ANKS1B: variants seen among roughly 807,000 people sequenced by gnomAD.
The protein encoded by ANKS1B is ankyrin repeat and sterile alpha motif domain-containing protein 1B.
ANKS1B carries 36 observed loss-of-function variants against 148.3 expected under a neutral mutation model. The ratio of observed to expected loss-of-function variants is 0.24; its 90% CI spans 0.19 to 0.32. The LOEUF (loss-of-function observed/expected upper bound fraction) is 0.32. Among genes scored for constraint, ANKS1B ranks in the 10% least tolerant of loss-of-function variants. The probability of loss-of-function intolerance (pLI) is 1.00; values close to 1 mark genes in which losing one functional copy is unlikely to be tolerated. For missense variants in ANKS1B, 1,157 were observed against 1,542.6 expected, an observed-to-expected ratio of 0.75 and a Z score of 4.19; for synonymous variants, 542 against 560.8, an observed-to-expected ratio of 0.97 and a Z score of 0.47.
At chr12:99,139,460 C>CTTTCTTTCTTTCTTT (rs1207702710) in intron 15 of ANKS1B, among the ~76,000 whole-genome samples, 1 of 90,164 alleles carries the variant, frequency 1.1e-5, no homozygotes, top group African/African-American at 4.7e-5. Flanking sequence ...TTCTTTCTTT[C>CTTTCTTTCTTTCTTT]AAGATAGGAG....
At chr12:99,561,725 C>A (rs925587405) in intron 9 of ANKS1B, among the ~76,000 whole-genome samples, 3 of 152,252 alleles carry the variant, frequency 2.0e-5, no homozygotes, top group Admixed American at 2.0e-4. Flanking sequence ...ACTATTTCTA[C>A]CACATCTTCA....
At chr12:99,908,814 A>G (rs2093890605) in intron 1 of ANKS1B, among the ~76,000 whole-genome samples, 1 of 152,162 alleles carries the variant, frequency 6.6e-6, no homozygotes, top group African/African-American at 2.4e-5. Flanking sequence ...CAGTCAAACA[A>G]ATTAACATAT....
intron 12 of ANKS1B, among the ~76,000 whole-genome samples, chr12:99,348,736 TAAAC>T: frequency 6.6e-6 from 1 of 151,932 alleles, no homozygotes; most frequent in Non-Finnish European, 1.5e-5. Context: ...CATTCACAAA[TAAAC>T]AAAAGGTGAA....
At chr12:99,662,395 G>A (rs1368890398) in intron 8 of ANKS1B, among the ~76,000 whole-genome samples, 2 of 152,160 alleles carry the variant, frequency 1.3e-5, no homozygotes, top group African/African-American at 2.4e-5. Context: ...CATAAAAGCT[G>A]CATGATTGCA....
At position 99,960,504 on chromosome 12, in the gene ANKS1B, A is replaced by C. The variant is rs113006402; in HGVS notation, c.134+23600T>G. On this transcript the variant is annotated intron_variant, in intron 1 of 26. Transcript: ENST00000683438. ...ACGGGGTTTACCAGCCAAAGCTGAC[A>C]CAGCTGAGTTGAGAAGGGAAAGCAG... Among the ~76,000 whole-genome samples the C allele has an allele frequency of 3.3e-4, 50 of 152,294 alleles. 1 individual carries two copies. The highest frequency in any genetic ancestry group is 1.1e-3 in the African/African-American group (47 of 41,554).
intron 1 of ANKS1B, among the ~76,000 whole-genome samples, chr12:99,911,888 T>C (rs925585251): frequency 1.2e-4 from 19 of 152,154 alleles, no homozygotes; most frequent in Non-Finnish European, 2.1e-4. Flanking sequence ...CACCTAAAAA[T>C]ATTAACAATA....
At chr12:99,885,702 G>A (rs113034813) in intron 1 of ANKS1B, among the ~76,000 whole-genome samples, 9,547 of 151,950 alleles carry the variant, frequency 0.063, 333 homozygotes, top group Middle Eastern at 0.15. Context: ...CCTGCCACCC[G>A]AGCAGTGTCC....
At chr12:98,757,481 C>G (rs1016134679) in intron 25 of ANKS1B, among the ~76,000 whole-genome samples, 10 of 152,216 alleles carry the variant, frequency 6.6e-5, no homozygotes, top group African/African-American at 2.4e-4. Context: ...ATTCAGACAA[C>G]AGGAAGATGA....
intron 11 of ANKS1B, among the ~76,000 whole-genome samples, chr12:99,441,520 A>T (rs2095550204): frequency 6.6e-6 from 1 of 151,956 alleles, no homozygotes; most frequent in Non-Finnish European, 1.5e-5. Flanking sequence ...CCAGGGTGGA[A>T]GAAAGAGTAG....
At chr12:98,758,941 A>ATTT (rs35016362) in intron 25 of ANKS1B, among the ~76,000 whole-genome samples, 14 of 135,888 alleles carry the variant, frequency 1.0e-4, no homozygotes, top group African/African-American at 2.7e-4. Context: ...CGCCTGGCTA[A>ATTT]TTTTTTTTTT....
At chr12:98,819,494 A>G (rs1369629565) in intron 19 of ANKS1B, among the ~76,000 whole-genome samples, 1 of 152,246 alleles carries the variant, frequency 6.6e-6, no homozygotes, top group Non-Finnish European at 1.5e-5. Context: ...GTTTCAGAAG[A>G]TATCATGAAC....
At position 99,440,034 on chromosome 12, in the gene ANKS1B, C is replaced by T. The variant is rs546841269; in HGVS notation, c.1575+3639G>A. Among the ~76,000 whole-genome samples, 8 of 151,798 alleles carry T rather than the reference C, an allele frequency of 5.3e-5. No individual in the cohort carries two copies. In the South Asian group the frequency reaches 1.7e-3, roughly 32 times the overall value. The stretch of plus-strand genomic sequence containing the variant: ...TGAAAGAAACCCAAACAGTGATACG[C>T]ACACAGAAAACATACTCACCATAGG... On this transcript the variant is annotated intron_variant, in intron 11 of 26. Transcript: ENST00000683438.
chr12:98,921,595 T>C (rs2099801527), intron 17 of ANKS1B, among the ~76,000 whole-genome samples: 1 of 152,220 alleles, frequency 6.6e-6, no homozygotes, highest in South Asian at 2.1e-4. Flanking sequence ...CCCACTTCCA[T>C]GCCTGTCTTC....
intron 1 of ANKS1B, among the ~76,000 whole-genome samples, chr12:99,899,835 G>A (rs559151335): frequency 2.0e-5 from 3 of 151,824 alleles, no homozygotes; most frequent in Admixed American, 6.6e-5. Context: ...TTTTCATGTC[G>A]TAACAGTCTT....
chr12:99,265,410 T>C (rs904608380), intron 12 of ANKS1B, among the ~76,000 whole-genome samples: 1 of 152,196 alleles, frequency 6.6e-6, no homozygotes, highest in Non-Finnish European at 1.5e-5. Flanking sequence ...CACTTGATTC[T>C]TACCATTAAT....
chr12:99,466,989 A>T (rs889928064), intron 10 of ANKS1B, among the ~76,000 whole-genome samples: 4 of 152,218 alleles, frequency 2.6e-5, no homozygotes, highest in African/African-American at 9.7e-5. Flanking sequence ...ACAACCAAAA[A>T]AGAGAATTTT....
chr12:98,922,848 T>C (rs926004062), intron 17 of ANKS1B, among the ~76,000 whole-genome samples: 2 of 152,158 alleles, frequency 1.3e-5, no homozygotes, highest in African/African-American at 2.4e-5. Flanking sequence ...TCTGATTCAT[T>C]TGTGGACCTT....
At chr12:98,764,903 C>T (rs2098460597) in intron 25 of ANKS1B, among the ~76,000 whole-genome samples, 1 of 152,210 alleles carries the variant, frequency 6.6e-6, no homozygotes, top group Non-Finnish European at 1.5e-5. Context: ...CCCTTCATCT[C>T]CTGCTGGACC....
intron 9 of ANKS1B, among the ~76,000 whole-genome samples, chr12:99,605,034 C>G (rs569839894): frequency 1.3e-5 from 2 of 152,032 alleles, no homozygotes; most frequent in South Asian, 2.1e-4. Flanking sequence ...GTCACATTCT[C>G]AGACCAAAAT....
Sources: allele counts gnomAD v4.1 joint callset (sites outside exome capture counted in the v4.1 genomes callset), GRCh38; gene constraint gnomAD v4.1.1; transcripts MANE v1.5; gene names NCBI Gene and HGNC (gene_info 2026-07-23, HGNC 2026-07-21).